The following DLG2 variants were observed in gnomAD, a reference collection of about 807,000 sequenced individuals.
The protein encoded by DLG2 is disks large homolog 2.
DLG2 carries 45 observed loss-of-function variants against 132.5 expected under a neutral mutation model. The ratio of observed to expected loss-of-function variants is 0.34; its 90% CI spans 0.27 to 0.44. DLG2 has a LOEUF of 0.44. Among genes scored for constraint, DLG2 ranks in the 20% least tolerant of loss-of-function variants. The pLI, the probability that DLG2 is intolerant of heterozygous loss-of-function variation, is 1.00. For synonymous variants in DLG2, 424 were observed against 419.6 expected, an observed-to-expected ratio of 1.01 and a Z score of -0.13; for missense variants, 1,045 against 1,196.9, an observed-to-expected ratio of 0.87 and a Z score of 1.87.
chr11:85,317,301 T>C (rs1310551559), intron 3 of DLG2, among the ~76,000 whole-genome samples: 1 of 151,798 alleles, frequency 6.6e-6, no homozygotes, highest in East Asian at 1.9e-4. Context: ...TCAATATTAA[T>C]CCTTTATTCT....
At chr11:83,805,801 A>T (rs1450299261) in intron 17 of DLG2, among the ~76,000 whole-genome samples, 1 of 152,108 alleles carries the variant, frequency 6.6e-6, no homozygotes, top group African/African-American at 2.4e-5. Context: ...AGTCTTTTTA[A>T]GACCAGATAC....
intron 7 of DLG2, among the ~76,000 whole-genome samples, chr11:84,509,189 C>A (rs573836482): frequency 6.6e-6 from 1 of 152,310 alleles, no homozygotes; most frequent in African/African-American, 2.4e-5. Flanking sequence ...ACATTTGAAA[C>A]TGTGACCTTG....
At chr11:84,514,936 C>T (rs1052133991) in intron 7 of DLG2, among the ~76,000 whole-genome samples, 6 of 151,768 alleles carry the variant, frequency 4.0e-5, no homozygotes, top group African/African-American at 1.5e-4. Flanking sequence ...TAAATATATA[C>T]ACCTACTGTG....
intron 3 of DLG2, among the ~76,000 whole-genome samples, chr11:85,569,300 G>A (rs1590877984): frequency 6.6e-6 from 1 of 152,118 alleles, no homozygotes; most frequent in African/African-American, 2.4e-5. Context: ...TCAAAGTGCT[G>A]GGATTACAGG....
chr11:83,987,234 G>A (rs1320574963), intron 11 of DLG2, among the ~76,000 whole-genome samples: 3 of 152,012 alleles, frequency 2.0e-5, no homozygotes, highest in Non-Finnish European at 2.9e-5. Context: ...ATGCTCATGG[G>A]TAGGAAGAAT....
chr11:84,116,684 A>T (rs2093650193), intron 9 of DLG2, among the ~76,000 whole-genome samples: 1 of 152,236 alleles, frequency 6.6e-6, no homozygotes, highest in Non-Finnish European at 1.5e-5. Flanking sequence ...GGGTGTGGAC[A>T]CAGCCAAACC....
intron 11 of DLG2, among the ~76,000 whole-genome samples, chr11:84,022,741 G>A (rs1461533492): frequency 6.6e-6 from 1 of 152,040 alleles, no homozygotes; most frequent in Non-Finnish European, 1.5e-5. Context: ...ACTTTTTTTG[G>A]GGGGAGTAGG....
At chr11:83,904,792 T>C (rs1345243699) in intron 15 of DLG2, among the ~76,000 whole-genome samples, 1 of 152,164 alleles carries the variant, frequency 6.6e-6, no homozygotes. Context: ...CACAACCACT[T>C]GCATGTGCAG....
At chr11:85,176,532 C>T (rs1163858548) in intron 4 of DLG2, among the ~76,000 whole-genome samples, 1 of 152,016 alleles carries the variant, frequency 6.6e-6, no homozygotes, top group East Asian at 1.9e-4. Context: ...CTAGATAGTA[C>T]CATTTAGGAC....
intron 6 of DLG2, among the ~76,000 whole-genome samples, chr11:84,905,889 G>A (rs950686093): frequency 6.6e-6 from 1 of 152,054 alleles, no homozygotes; most frequent in African/African-American, 2.4e-5. Flanking sequence ...GCATACACAT[G>A]GTACAGTTTA....
chr11:85,276,525 G>A (rs1342894148), intron 4 of DLG2, among the ~76,000 whole-genome samples: 1 of 152,088 alleles, frequency 6.6e-6, no homozygotes, highest in East Asian at 1.9e-4. Context: ...GTATGGAACT[G>A]TATGACATCA....
intron 6 of DLG2, among the ~76,000 whole-genome samples, chr11:85,020,301 T>G (rs1466759784): frequency 6.6e-6 from 1 of 152,196 alleles, no homozygotes; most frequent in African/African-American, 2.4e-5. Context: ...TTTGCCCACT[T>G]TTTGATGGGG....
At chr11:85,120,759 G>A (rs2074210453) in intron 5 of DLG2, among the ~76,000 whole-genome samples, 1 of 152,032 alleles carries the variant, frequency 6.6e-6, no homozygotes, top group Non-Finnish European at 1.5e-5. Flanking sequence ...TAAATGGTAT[G>A]ATTTATGTCT....
intron 18 of DLG2, among the ~76,000 whole-genome samples, chr11:83,757,436 G>A (rs2093695872): frequency 1.3e-5 from 2 of 152,206 alleles, no homozygotes; most frequent in Non-Finnish European, 2.9e-5. Context: ...GGCCTAAAGT[G>A]GCACTGAAAG....
intron 6 of DLG2, among the ~76,000 whole-genome samples, chr11:84,558,529 T>C (rs187711888): frequency 1.3e-5 from 2 of 152,318 alleles, no homozygotes; most frequent in East Asian, 1.9e-4. Context: ...AGCATCCTTT[T>C]GGCTCCCTTT....
intron 6 of DLG2, among the ~76,000 whole-genome samples, chr11:84,809,457 G>GATA (rs2076333947): frequency 6.6e-6 from 1 of 150,738 alleles, no homozygotes; most frequent in African/African-American, 2.4e-5. Flanking sequence ...AAAGTCATAA[G>GATA]AAAGAAAGAA....
At chr11:85,136,600 C>G (rs545783097) in intron 5 of DLG2, among the ~76,000 whole-genome samples, 11 of 152,230 alleles carry the variant, frequency 7.2e-5, no homozygotes, top group African/African-American at 2.2e-4. Flanking sequence ...GGTTAATGAT[C>G]TAAAACTAGA....
At chr11:85,467,823 A>T (rs956902126) in intron 3 of DLG2, among the ~76,000 whole-genome samples, 2 of 152,228 alleles carry the variant, frequency 1.3e-5, no homozygotes, top group African/African-American at 4.8e-5. Flanking sequence ...TGCTGGCTTC[A>T]TAAAATGAGT....
Position 83,624,963 on chromosome 11 carries a change from C to T in DLG2, c.1940+8248G>A, listed in dbSNP as rs369853695. 5.3e-5 allele frequency among the ~76,000 whole-genome samples: 8 copies of T among 152,294 alleles called. No individual in the cohort carries two copies. In the South Asian group the frequency reaches 8.3e-4, roughly 16 times the overall value. On this transcript the variant is annotated intron_variant, in intron 19 of 27. Transcript: ENST00000376104. ...TTCCCCTCCCAGTTACCTTTGCCCC[C>T]ACTAAGTTTTTAAGAGAGAAAAGTA...
Sources: gnomAD v4.1 joint callset for allele counts (sites outside exome capture counted in the v4.1 genomes callset) on GRCh38, gnomAD v4.1.1 for gene constraint, MANE v1.5 for transcripts, NCBI Gene and HGNC (gene_info 2026-07-23, HGNC 2026-07-21) for gene names.